NCAPD3: variants seen among roughly 807,000 people sequenced by gnomAD.
NCAPD3 encodes non-SMC condensin II complex subunit D3.
NCAPD3 carries 105 observed loss-of-function variants against 182.9 expected under a neutral mutation model. The ratio of observed to expected loss-of-function variants is 0.57; its 90% confidence interval spans 0.49 to 0.68. NCAPD3 has a LOEUF of 0.68. Ranked by LOEUF, NCAPD3 falls within the 30% of genes least tolerant of loss-of-function variation. The probability of loss-of-function intolerance (pLI) is 0.00; values close to 1 mark genes in which losing one functional copy is unlikely to be tolerated. For synonymous variants in NCAPD3, 815 were observed against 679.9 expected, an observed-to-expected ratio of 1.20 and a Z score of -3.09; for missense variants, 1,944 against 1,837.0, an observed-to-expected ratio of 1.06 and a Z score of -1.07.
intron 28 of NCAPD3, among the ~76,000 whole-genome samples, chr11:134,160,994 G>T (rs987999544): frequency 6.6e-6 from 1 of 151,382 alleles, no homozygotes; most frequent in Admixed American, 6.6e-5. Flanking sequence ...ATAAATACAA[G>T]AATATTTGGA....
intron 16 of NCAPD3, among the ~76,000 whole-genome samples, chr11:134,187,359 A>C (rs185683496): frequency 4.4e-4 from 67 of 152,106 alleles, no homozygotes; most frequent in African/African-American, 1.5e-3. Context: ...CTCCAACCTA[A>C]CTCTGGGTGA....
chr11:134,194,880 A>G (rs1944595302), intron 13 of NCAPD3, 142 bp from the exon 14 acceptor site: 1 of 519,600 alleles, frequency 1.9e-6, no homozygotes, highest in African/African-American at 1.9e-5. Flanking sequence ...AGAGTGTGGA[A>G]AAAGAAGAAA....
chr11:134,216,782 T>C (rs1938042149), intron 3 of NCAPD3, among the ~76,000 whole-genome samples, 154 bp downstream of exon 3: 1 of 152,184 alleles, frequency 6.6e-6, no homozygotes, highest in Non-Finnish European at 1.5e-5. Flanking sequence ...ACATGCCATG[T>C]ACTTTAGAGA....
At chr11:134,199,990 C>T (rs1944717163) in intron 13 of NCAPD3, among the ~76,000 whole-genome samples, 1 of 152,128 alleles carries the variant, frequency 6.6e-6, no homozygotes, top group Non-Finnish European at 1.5e-5. Context: ...CCAAGACACT[C>T]ACAGGTGAAG....
intron 7 of NCAPD3, 64 bp downstream of exon 7, chr11:134,208,800 C>T (rs1406180988): frequency 1.9e-6 from 2 of 1,065,566 alleles, no homozygotes; most frequent in African/African-American, 3.2e-5. Flanking sequence ...TAACATATTT[C>T]CATCATATGG....
chr11:134,209,611 G>T, intron 4 of NCAPD3, 134 bp from the exon 5 acceptor site: 1 of 780,500 alleles, frequency 1.3e-6, no homozygotes, highest in Non-Finnish European at 2.0e-6. Flanking sequence ...ACTTTGACCA[G>T]GTCGCATGAC....
chr11:134,220,568 T>C lies in NCAPD3; in HGVS notation c.219+4A>G, dbSNP rs1344083996. 2 of 1,604,692 alleles carry C rather than the reference T, an allele frequency of 1.2e-6. No individual in the cohort carries two copies. Among genetic ancestry groups the C allele is most frequent in the Admixed American group, 3.4e-5 (2 of 59,020 alleles). Reference sequence around the variant, plus strand: ...CTTTGGCTAGTTTGTTTTTATATTTTTACCTCCATAGATCCATGTTCTCCA... The same window carrying C: ...CTTTGGCTAGTTTGTTTTTATATTTCTACCTCCATAGATCCATGTTCTCCA... On this transcript the variant is annotated splice_donor_region_variant and intron_variant, in intron 2 of 34. Transcript: ENST00000534548.
chr11:134,172,651 G>A, intron 24 of NCAPD3, among the ~76,000 whole-genome samples: 1 of 152,110 alleles, frequency 6.6e-6, no homozygotes, highest in East Asian at 1.9e-4. Context: ...CTTGGCTGTT[G>A]CCCTGTGATT....
rs1419107578 is a variant in NCAPD3, at chr11:134,153,184, C to A, written c.4344G>T (p.Arg1448=). Residue 1448 remains arginine, a synonymous_variant, in exon 34 of 35, where the codon CGG becomes CGT. Transcript: ENST00000534548. The part of the protein sequence containing the change: ...PSSAKEKIEG[R]SQGNDILCLS... Reference sequence around the variant, plus strand: ...AACATAAGATGTCATTTCCTTGACTCCGGCCTTCAATTTTCTCTAAAAGGG... The same window carrying A: ...AACATAAGATGTCATTTCCTTGACTACGGCCTTCAATTTTCTCTAAAAGGG... 6.2e-7 allele frequency: 1 copy of A among 1,614,068 alleles called. No individual in the cohort carries two copies. Among genetic ancestry groups the A allele is most frequent in the South Asian group, 1.1e-5 (1 of 91,086 alleles).
chr11:134,208,999 G>C, intron 6 of NCAPD3, 48 bp from the exon 7 acceptor site: 1 of 1,497,050 alleles, frequency 6.7e-7, no homozygotes, highest in South Asian at 1.2e-5. Context: ...ATTTTACTTG[G>C]AATATTTCTT....
Position 134,158,320 on chromosome 11 carries a change from G to T in NCAPD3, c.4034+9C>A. The T allele has an allele frequency of 1.2e-6, 2 of 1,613,938 alleles. No homozygotes were observed. The highest frequency in any genetic ancestry group is 1.7e-6 in the Non-Finnish European group (2 of 1,179,990). ...ACCAGCCCTGATGTGGCCTCCAGGG[G>T]CTCTTTACCTGGCTTTGGGCAGCAA... On this transcript the variant is annotated intron_variant, in intron 30 of 34. Transcript: ENST00000534548.
chr11:134,216,934 A>G lies in NCAPD3; in HGVS notation c.382+2T>C, dbSNP rs1319444327. ...TTATCCTATCATATCAGGTCTACAT[A>G]CCTGGTACTTCTAGTAGCAAAAAGT... is the stretch of plus-strand genomic sequence containing the variant. On this transcript the variant is annotated splice_donor_variant, in intron 3 of 34. Coordinates refer to ENST00000534548, the MANE Select transcript of NCAPD3 (RefSeq NM_015261.3). LOFTEE classifies it high-confidence loss of function. 6.2e-7 allele frequency: 1 copy of G among 1,608,590 alleles called. No individual in the cohort carries two copies. The highest frequency in any genetic ancestry group is 8.5e-7 in the Non-Finnish European group (1 of 1,178,374).
chr11:134,161,834 C>G lies in NCAPD3; in HGVS notation c.3631G>C (p.Val1211Leu). Residue 1211 changes from valine (V) to leucine (L), a missense_variant, in exon 28 of 35, where the codon GTG becomes CTG. Transcript: ENST00000534548. ...GCTGGGATCTTATTTTTCTCCAGCA[C>G]AGTCTTCAGGGAGATGATAATTGGA... The part of the protein sequence containing the change: ...IIPIIISLKT[V>L]LEKNKIPALR... The G allele has an allele frequency of 3.8e-6, 6 of 1,595,442 alleles. No homozygotes were observed. Among genetic ancestry groups the G allele is most frequent in the Non-Finnish European group, 4.3e-6 (5 of 1,166,314 alleles).
chr11:134,177,684 G>A, intron 22 of NCAPD3: 1 of 549,826 alleles, frequency 1.8e-6, no homozygotes, highest in Admixed American at 3.3e-5. Flanking sequence ...ACTATGGGAT[G>A]TTCCTTTACA....
At position 134,158,646 on chromosome 11, in the gene NCAPD3, T is replaced by C. The variant is rs1943495965; in HGVS notation, c.3868-151A>G. 8 of 782,172 alleles carry C rather than the reference T, an allele frequency of 1.0e-5. No homozygotes were observed. In the South Asian group the frequency reaches 1.5e-4, roughly 14 times the overall value. The allele number at this position is 782,172 out of a possible 1,614,324, so 48.5% of individuals were successfully genotyped here. A position where few individuals can be genotyped will look rare whatever the true frequency, so the allele number is the denominator to read the frequency against. On this transcript the variant is annotated intron_variant, in intron 29 of 34. Coordinates refer to ENST00000534548, the MANE Select transcript of NCAPD3 (RefSeq NM_015261.3). ...CAAATCAGGGTAATTGGCATCTCCATCACCTCAAACGTGAGTATCTTTTCT... is the reference window on the plus strand; with the variant it reads ...CAAATCAGGGTAATTGGCATCTCCACCACCTCAAACGTGAGTATCTTTTCT...
intron 29 of NCAPD3, among the ~76,000 whole-genome samples, 162 bp from the exon 30 acceptor site, chr11:134,158,657 G>A (rs983059291): frequency 9.2e-5 from 14 of 152,174 alleles, no homozygotes; most frequent in African/African-American, 3.1e-4. Context: ...CACCTCAAAC[G>A]TGAGTATCTT....
chr11:134,183,060 C>G (rs1175854102), intron 19 of NCAPD3: 3 of 455,334 alleles, frequency 6.6e-6, no homozygotes, highest in Non-Finnish European at 1.3e-5. Flanking sequence ...ACAATGTAAC[C>G]ACCGTCCTAA....
At chr11:134,183,600 C>CT (rs1186628117) in intron 19 of NCAPD3, among the ~76,000 whole-genome samples, 1 of 152,098 alleles carries the variant, frequency 6.6e-6, no homozygotes, top group Non-Finnish European at 1.5e-5. Context: ...CATATAATTT[C>CT]TTGGGTCTTG....
Position 134,204,708 on chromosome 11 carries a change from TTTTG to T in NCAPD3, c.1089+187_1089+190del, listed in dbSNP as rs1426657081. ...TCAACATTTTTCCAAAACAAAGTTT[TTTTG>T]TTTTTTTGTTTTTTATAGAACACTT... On this transcript the variant is annotated intron_variant, in intron 9 of 34. Transcript: ENST00000534548. This position sits in a 1 kb window ranked among gnomAD's most constrained non-coding sequence, Gnocchi z 4.3. Among the ~76,000 whole-genome samples the T allele has an allele frequency of 2.0e-5, 3 of 151,898 alleles. No homozygotes were observed. Among genetic ancestry groups the T allele is most frequent in the Admixed American group, 6.6e-5 (1 of 15,266 alleles).
Sources: allele counts gnomAD v4.1 joint callset (sites outside exome capture counted in the v4.1 genomes callset), GRCh38; gene constraint gnomAD v4.1.1; non-coding constraint Gnocchi (gnomAD v3.1); transcripts MANE v1.5; gene names NCBI Gene and HGNC (gene_info 2026-07-23, HGNC 2026-07-21).